The following PHF14 variants were observed in gnomAD, a reference collection of about 807,000 sequenced individuals.
PHF14 encodes PHD finger protein 14.
In PHF14, 55 loss-of-function variants were observed where a neutral mutation model predicts 117.9. That is an observed-to-expected ratio of 0.47 (90% CI 0.38 to 0.58). The LOEUF (loss-of-function observed/expected upper bound fraction) is 0.58. Ranked by LOEUF, PHF14 falls within the 20% of genes least tolerant of loss-of-function variation. PHF14 has a pLI of 0.00. For missense variants in PHF14, 978 were observed against 1,122.2 expected, an observed-to-expected ratio of 0.87 and a Z score of 1.84; for synonymous variants, 409 against 368.6, an observed-to-expected ratio of 1.11 and a Z score of -1.26.
At position 11,071,715 on chromosome 7, in the gene PHF14, CT is replaced by C. The variant is rs976358758; in HGVS notation, c.2654+9634del. Among the ~76,000 whole-genome samples the C allele has an allele frequency of 6.6e-4, 100 of 152,272 alleles. 1 individual carries two copies. The highest frequency in any genetic ancestry group is 2.4e-3 in the African/African-American group (98 of 41,566). ...GCGTCAGGCAACCACTGCAAATGTT[CT>C]TTTGTCACTGGTTTCTCATAGCCCT... On this transcript the variant is annotated intron_variant, in intron 16 of 17. Coordinates refer to ENST00000634607, the MANE Select transcript of PHF14 (RefSeq NM_001007157.2).
intron 14 of PHF14, among the ~76,000 whole-genome samples, chr7:11,059,101 GAA>G (rs912322739): frequency 1.3e-5 from 2 of 152,068 alleles, no homozygotes; most frequent in African/African-American, 4.8e-5. Context: ...AATATAGAGA[GAA>G]ATGGAGCTAT....
chr7:11,012,920 T>G (rs1228539432), intron 4 of PHF14, among the ~76,000 whole-genome samples: 1 of 152,210 alleles, frequency 6.6e-6, no homozygotes, highest in East Asian at 1.9e-4. Context: ...TCTGAACTTT[T>G]CAAACTGTTC....
intron 16 of PHF14, among the ~76,000 whole-genome samples, chr7:11,083,151 G>T (rs1433929895): frequency 6.6e-6 from 1 of 152,216 alleles, no homozygotes; most frequent in Non-Finnish European, 1.5e-5. Context: ...AAAGGGCACA[G>T]GGGCAGGATT....
At chr7:11,025,782 G>A (rs1265913268) in intron 6 of PHF14, among the ~76,000 whole-genome samples, 2 of 151,458 alleles carry the variant, frequency 1.3e-5, no homozygotes, top group African/African-American at 4.9e-5. Context: ...GTGACAGAGC[G>A]AGACTCCGTC....
rs977604739 is a variant in PHF14, at chr7:11,141,017, A to C, written c.2773-28399A>C. On this transcript the variant is annotated intron_variant, in intron 17 of 17. Coordinates refer to ENST00000634607, the MANE Select transcript of PHF14 (RefSeq NM_001007157.2). ...TTAAGTAAAATATGTTCTGAGGAAC[A>C]TAAGACAGACCTGGATTTGAATATC... 3.9e-5 allele frequency among the ~76,000 whole-genome samples: 6 copies of C among 152,250 alleles called. No individual in the cohort carries two copies. In the South Asian group the frequency reaches 1.0e-3, roughly 26 times the overall value.
intron 14 of PHF14, among the ~76,000 whole-genome samples, chr7:11,054,911 T>G (rs1184429440): frequency 6.6e-6 from 1 of 152,142 alleles, no homozygotes; most frequent in African/African-American, 2.4e-5. Context: ...TGTTTTCATG[T>G]TAGTCTTATT....
chr7:11,096,383 A>C (rs928680077), intron 16 of PHF14, among the ~76,000 whole-genome samples: 55 of 152,166 alleles, frequency 3.6e-4, no homozygotes, highest in African/African-American at 1.3e-3. Flanking sequence ...GAATTTTGTA[A>C]AGAAGATCAT....
intron 16 of PHF14, among the ~76,000 whole-genome samples, chr7:11,068,053 A>C (rs1785481732): frequency 6.6e-6 from 1 of 152,134 alleles, no homozygotes; most frequent in African/African-American, 2.4e-5. Context: ...CAGCCTTAAA[A>C]AGGAATGAAA....
chr7:11,146,963 C>T (rs1400454045), intron 17 of PHF14, among the ~76,000 whole-genome samples: 1 of 152,174 alleles, frequency 6.6e-6, no homozygotes, highest in Non-Finnish European at 1.5e-5. Flanking sequence ...TCTCCCTTCT[C>T]AGCCTTCTGA....
chr7:11,015,035 G>A (rs1783489094), intron 5 of PHF14: 1 of 151,056 alleles, frequency 6.6e-6, no homozygotes, highest in East Asian at 2.0e-4. Context: ...TTTTTATTTT[G>A]TCACATAAGG....
intron 2 of PHF14, among the ~76,000 whole-genome samples, chr7:10,977,043 C>G (rs1781892206): frequency 6.6e-6 from 1 of 151,608 alleles, no homozygotes; most frequent in Admixed American, 6.6e-5. Flanking sequence ...TGCATTGATG[C>G]TCTGCATAGC....
chr7:11,137,816 C>A (rs1051963906), intron 17 of PHF14, among the ~76,000 whole-genome samples: 20 of 151,736 alleles, frequency 1.3e-4, no homozygotes, highest in African/African-American at 4.8e-4. Flanking sequence ...GAACTCCTGA[C>A]CTCAGGTGAT....
At chr7:11,028,518 T>C (rs111818961) in intron 6 of PHF14, among the ~76,000 whole-genome samples, 163 bp from the exon 7 acceptor site, 24 of 152,338 alleles carry the variant, frequency 1.6e-4, no homozygotes, top group African/African-American at 5.5e-4. Flanking sequence ...CGTTTTTTCA[T>C]ATAAACTCTT....
chr7:11,128,680 G>A (rs552356100), intron 17 of PHF14, among the ~76,000 whole-genome samples: 4 of 151,664 alleles, frequency 2.6e-5, no homozygotes, highest in African/African-American at 7.2e-5. Context: ...TATTTTAGAT[G>A]TAAATCAGTC....
chr7:11,122,352 T>TATATACACACAC lies in PHF14; in HGVS notation c.2772+10886_2772+10887insTATACACACACA. Among the ~76,000 whole-genome samples the TATATACACACAC allele has an allele frequency of 6.1e-5, 4 of 65,870 alleles. No individual in the cohort carries two copies. The South Asian group carries it at 2.0e-3, about 33-fold the overall frequency. 43.2% of individuals were successfully genotyped at this position (65,870 alleles called of 152,430 possible). A position where few individuals can be genotyped will look rare whatever the true frequency, so the allele number is the denominator to read the frequency against. On this transcript the variant is annotated intron_variant, in intron 17 of 17. Transcript: ENST00000634607. ...CTTTTTATATATATATATATATATATACACACACACACACACACACACACA... is the reference window on the plus strand; with the variant it reads ...CTTTTTATATATATATATATATATATATATACACACACACACACACACACACACACACACACA...
intron 17 of PHF14, among the ~76,000 whole-genome samples, chr7:11,152,004 A>G (rs1788715844): frequency 6.6e-6 from 1 of 152,204 alleles, no homozygotes; most frequent in Non-Finnish European, 1.5e-5. Flanking sequence ...TTTTCAGAAT[A>G]GTAGAAAAAC....
intron 16 of PHF14, among the ~76,000 whole-genome samples, chr7:11,089,576 C>T (rs976777877): frequency 6.6e-6 from 1 of 152,018 alleles, no homozygotes; most frequent in African/African-American, 2.4e-5. Context: ...AAATTCAGAA[C>T]TCTGGAAATA....
At chr7:11,035,055 C>T (rs563419997) in intron 7 of PHF14, among the ~76,000 whole-genome samples, 5 of 151,174 alleles carry the variant, frequency 3.3e-5, no homozygotes, top group Middle Eastern at 3.4e-3. Flanking sequence ...GCCGGCCCTC[C>T]GTGTCTGTGG....
intron 4 of PHF14, among the ~76,000 whole-genome samples, chr7:11,003,462 T>A (rs1468862021): frequency 6.6e-6 from 1 of 152,222 alleles, no homozygotes; most frequent in Non-Finnish European, 1.5e-5. Context: ...TTGAAAAATC[T>A]TACTTTTAAT....
Sources: gnomAD v4.1 joint callset for allele counts (sites outside exome capture counted in the v4.1 genomes callset) on GRCh38, gnomAD v4.1.1 for gene constraint, MANE v1.5 for transcripts, NCBI Gene and HGNC (gene_info 2026-07-23, HGNC 2026-07-21) for gene names.